Variants in SACS observed in about 807,000 individuals in gnomAD.
SACS encodes the protein sacsin molecular chaperone.
Under a neutral mutation model 348.0 loss-of-function variants are expected in SACS, and 197 were observed. The ratio of observed to expected loss-of-function variants is 0.57; its 90% CI spans 0.50 to 0.64. The LOEUF (loss-of-function observed/expected upper bound fraction) is 0.64, where lower values mean the gene tolerates loss of function less well. SACS is among the 30% of genes least tolerant of loss of function. The pLI is 0.00. For missense variants in SACS, 4,999 were observed against 5,360.8 expected (o/e 0.93, Z 2.11); for synonymous variants, 1,985 against 1,910.6 (o/e 1.04, Z -1.02).
chr13:23,427,487 A>G (rs1874235841), intron 1 of SACS: 1 of 152,274 alleles, frequency 6.6e-6, no homozygotes, highest in East Asian at 1.9e-4. Flanking sequence ...ACAGTAGGAA[A>G]ACTTGGCACT....
At chr13:23,421,937 C>T (rs1354001715) in intron 1 of SACS, among the ~76,000 whole-genome samples, 1 of 151,668 alleles carries the variant, frequency 6.6e-6, no homozygotes, top group Non-Finnish European at 1.5e-5. Context: ...CATGTGTCAA[C>T]TTGGGAACAG....
intron 2 of SACS, among the ~76,000 whole-genome samples, chr13:23,392,410 T>G (rs927722697): frequency 6.6e-6 from 1 of 152,186 alleles, no homozygotes; most frequent in Non-Finnish European, 1.5e-5. Context: ...GCACCTTTCC[T>G]AGAACGCCTG....
At chr13:23,429,517 C>T (rs1464108165) in intron 1 of SACS, among the ~76,000 whole-genome samples, 1 of 151,938 alleles carries the variant, frequency 6.6e-6, no homozygotes, top group African/African-American at 2.4e-5. Flanking sequence ...CGCCCGCCAC[C>T]ATGCCCGGCT....
rs955737873 is a variant in SACS at position 23,331,847 on chromosome 13, T to G, written c.12029A>C (p.Gln4010Pro). 2 of 1,614,076 alleles carry G rather than the reference T, an allele frequency of 1.2e-6. No homozygotes were observed. The highest frequency in any genetic ancestry group is 1.3e-5 in the African/African-American group (1 of 75,060). ...AATTCTAATCAGTCCTGTAATGAAC[T>G]GTTCAGAAGACAAGAGTAACTGCAA... ...GRLQLLLSSE[Q>P]FITGLIRIMK... The change falls in exon 10 of 10, where the codon CAG (glutamine) becomes CCG (proline). Residue 4010 changes from glutamine (Q) to proline (P), a missense_variant. Gln to Pro is a moderately conservative substitution (Grantham distance 76). Coordinates refer to ENST00000382292, the MANE Select transcript of SACS (RefSeq NM_014363.6).
chr13:23,335,636 A>T lies in SACS; in HGVS notation c.8240T>A (p.Ile2747Asn), dbSNP rs781000454. 5 of 1,613,942 alleles carry T rather than the reference A, an allele frequency of 3.1e-6. No individual in the cohort carries two copies. The highest frequency in any genetic ancestry group is 3.3e-5 in the Admixed American group (2 of 59,984). ...ACTCTTATCTATTTCACAAATAGAA[A>T]TTTTTTCCATGTGATTAAGAAACAT... ...LLMFLNHMEK[I>N]SICEIDKSTG... The change falls in exon 10 of 10, where the codon ATT (isoleucine) becomes AAT (asparagine). Residue 2747 changes from isoleucine (I) to asparagine (N), a missense_variant. Physicochemically the swap from Ile to Asn is moderately radical, Grantham distance 149. Coordinates refer to ENST00000382292, the MANE Select transcript of SACS (RefSeq NM_014363.6). The surrounding 1 kb of genome is among the most constrained non-coding windows in gnomAD (Gnocchi z 4.7).
At position 23,332,539 on chromosome 13, in the gene SACS, G is replaced by A. The variant is rs139689925; in HGVS notation, c.11337C>T (p.Phe3779=). ...GAAATTCCCTTTTTTCTGCACTGAG[G>A]AATTCATATATGCTCCTTAAGACTT... The part of the protein sequence containing the change: ...RAKVLRSIYE[F]LSAEKREFRF... The change falls in exon 10 of 10, where the codon TTC becomes TTT. Residue 3779 remains phenylalanine, a synonymous_variant. Transcript: ENST00000382292. 2.5e-6 allele frequency: 4 copies of A among 1,613,764 alleles called. No homozygotes were observed. The East Asian group carries it at 8.9e-5, about 36-fold the overall frequency.
Position 23,336,518 on chromosome 13 carries a change from A to T in SACS, c.7358T>A (p.Leu2453Ter), listed in dbSNP as rs1350695357. ...GAGAAGCATAAGATTAGTATCTGGC[A>T]ATAATATCTTGCCATAATTTTTCTC... ...FCEKNYGKIL[L>*]PDTNLMLLPA... Residue 2453 changes from leucine to a stop codon, truncating the protein, a stop_gained, in exon 10 of 10, where the codon TTG (leucine) becomes TAG (stop). Coordinates refer to ENST00000382292, the MANE Select transcript of SACS (RefSeq NM_014363.6). LOFTEE classifies it high-confidence loss of function. 1 of 1,613,978 alleles carries T rather than the reference A, an allele frequency of 6.2e-7. No individual in the cohort carries two copies. Among genetic ancestry groups the T allele is most frequent in the African/African-American group, 1.3e-5 (1 of 75,052 alleles).
chr13:23,339,247 T>G lies in SACS; in HGVS notation c.4629A>C (p.Glu1543Asp). 6.2e-7 allele frequency: 1 copy of G among 1,608,026 alleles called. No individual in the cohort carries two copies. ...TGTCAACTTCTCCCCTTTTTAAAGA[T>G]TCTCCTAACCTAGTTATGTTCACAA... The part of the protein sequence containing the change: ...SDFVNITRLG[E>D]SLKRGEVDKV... Residue 1543 changes from glutamate to aspartate, a missense_variant, in exon 10 of 10, where the codon GAA (glutamate) becomes GAC (aspartate). Transcript: ENST00000382292.
chr13:23,410,861 A>C (rs1593178621), intron 2 of SACS, among the ~76,000 whole-genome samples: 2 of 152,288 alleles, frequency 1.3e-5, no homozygotes, highest in Middle Eastern at 6.8e-3. Flanking sequence ...ATACAATTCT[A>C]AGTATTTCAC....
At chr13:23,400,622 G>GT (rs1196973342) in intron 2 of SACS, among the ~76,000 whole-genome samples, 1 of 152,068 alleles carries the variant, frequency 6.6e-6, no homozygotes, top group Non-Finnish European at 1.5e-5. Context: ...CGGTTTCACC[G>GT]TGTTAGCCAG....
At position 23,333,951 on chromosome 13, in the gene SACS, T is replaced by A. The variant is rs1424633917; in HGVS notation, c.9925A>T (p.Ile3309Phe). The change falls in exon 10 of 10, where the codon ATT (isoleucine) becomes TTT (phenylalanine). Residue 3309 changes from isoleucine to phenylalanine, a missense_variant. Coordinates refer to ENST00000382292, the MANE Select transcript of SACS (RefSeq NM_014363.6). Reference sequence around the variant, plus strand: ...CTCTGGGCATTTGGAAAAACTGCAATGTGCATAAGGCTGAGAGGAAGCAGA... The same window carrying A: ...CTCTGGGCATTTGGAAAAACTGCAAAGTGCATAAGGCTGAGAGGAAGCAGA... Reference protein sequence around the residue: ...DVLLPLSLMHIAVFPNAQSDK... With the variant: ...DVLLPLSLMHFAVFPNAQSDK... 1 of 1,613,786 alleles carries A rather than the reference T, an allele frequency of 6.2e-7. No individual in the cohort carries two copies. Among genetic ancestry groups the A allele is most frequent in the Non-Finnish European group, 8.5e-7 (1 of 1,179,856 alleles).
At position 23,338,416 on chromosome 13, in the gene SACS, C is replaced by G. The variant is rs1468069862; in HGVS notation, c.5460G>C (p.Leu1820=). 6.2e-7 allele frequency: 1 copy of G among 1,614,104 alleles called. No homozygotes were observed. The highest frequency in any genetic ancestry group is 1.1e-5 in the South Asian group (1 of 91,080). The change falls in exon 10 of 10, where the codon CTG becomes CTC. Residue 1820 remains leucine (L), a synonymous_variant. Coordinates refer to ENST00000382292, the MANE Select transcript of SACS (RefSeq NM_014363.6). ...CCTCTCCTGTGTCCATGCAAGTACA[C>G]AGAAGCCACGTGGTACACTCTACTG... ...QKTVECTTWL[L]CTCMDTGEAL...
chr13:23,333,526 A>AGAT lies in SACS; in HGVS notation c.10347_10349dup (p.Ser3450dup), dbSNP rs769736367. On this transcript the variant is annotated inframe_insertion, in exon 10 of 10. Transcript: ENST00000382292. ...AGTGTATTTTTTCTTCAAGAAATGC[A>AGAT]GATGATGATGACTGTGTCCATTTCT... is the stretch of plus-strand genomic sequence containing the variant. The AGAT allele has an allele frequency of 1.2e-6, 2 of 1,613,444 alleles. No homozygotes were observed. The highest frequency in any genetic ancestry group is 1.3e-5 in the African/African-American group (1 of 74,896).
rs762631677 is a variant in SACS at position 23,335,022 on chromosome 13, C to G, written c.8854G>C (p.Val2952Leu). The G allele has an allele frequency of 1.9e-6, 3 of 1,613,544 alleles. No homozygotes were observed. The highest frequency in any genetic ancestry group is 2.5e-6 in the Non-Finnish European group (3 of 1,179,754). Residue 2952 changes from valine to leucine, a missense_variant, in exon 10 of 10, where the codon GTA (valine) becomes CTA (leucine). Val to Leu is a conservative substitution (Grantham distance 32). Transcript: ENST00000382292. This position sits in a 1 kb window ranked among gnomAD's most constrained non-coding sequence, Gnocchi z 4.7. Reference sequence around the variant, plus strand: ...AAAAACTTCTTTAAAGTGTCCTTTACAACATGAATAGGGGTGTTCTGTAAC... The same window carrying G: ...AAAAACTTCTTTAAAGTGTCCTTTAGAACATGAATAGGGGTGTTCTGTAAC... ...SVLQNTPIHV[V>L]KDTLKKFLSF... is the part of the protein sequence containing the mutation.
intron 2 of SACS, among the ~76,000 whole-genome samples, chr13:23,404,771 C>T (rs550931169): frequency 2.6e-5 from 4 of 151,790 alleles, no homozygotes; most frequent in African/African-American, 9.7e-5. Context: ...TTTCTATACA[C>T]CAATAATAGC....
At chr13:23,371,441 C>T (rs1566089722) in intron 3 of SACS, among the ~76,000 whole-genome samples, 2 of 152,060 alleles carry the variant, frequency 1.3e-5, no homozygotes, top group Admixed American at 6.5e-5. Flanking sequence ...AATGATGAAT[C>T]GGGATCATTA....
chr13:23,367,940 G>T (rs192440082), intron 5 of SACS, among the ~76,000 whole-genome samples: 56 of 152,278 alleles, frequency 3.7e-4, no homozygotes, highest in African/African-American at 1.2e-3. Flanking sequence ...ATTACAAAAA[G>T]AAATAAGTAA....
chr13:23,330,154 A>G lies in SACS; in HGVS notation c.13722T>C (p.Phe4574=), dbSNP rs947870030. 3 of 1,613,826 alleles carry G rather than the reference A, an allele frequency of 1.9e-6. No homozygotes were observed. The highest frequency in any genetic ancestry group is 2.7e-5 in the African/African-American group (2 of 74,942). Residue 4574 remains phenylalanine, a synonymous_variant, in exon 10 of 10, where the codon TTT becomes TTC. Coordinates refer to ENST00000382292, the MANE Select transcript of SACS (RefSeq NM_014363.6). ...AATATCTTCACACTTTTTGTTGCAT[A>G]AAATTTTCAAGTTTTATTATGATAC... The part of the protein sequence containing the change: ...TACIIIKLEN[F]MQQKV
intron 2 of SACS, among the ~76,000 whole-genome samples, chr13:23,388,191 G>T (rs146297287): frequency 6.6e-6 from 1 of 151,884 alleles, no homozygotes; most frequent in African/African-American, 2.4e-5. Flanking sequence ...GATATGGGCC[G>T]GGAGCGGTGG....
Sources: gnomAD v4.1 joint callset for allele counts (sites outside exome capture counted in the v4.1 genomes callset) on GRCh38, gnomAD v4.1.1 for gene constraint, Gnocchi (gnomAD v3.1) non-coding constraint, MANE v1.5 for transcripts, NCBI Gene and HGNC (gene_info 2026-07-23, HGNC 2026-07-21) for gene names.